MLLT3: variants seen among roughly 807,000 people sequenced by gnomAD.
The protein encoded by MLLT3 is MLLT3 super elongation complex subunit.
Under a neutral mutation model 53.2 loss-of-function variants are expected in MLLT3, and 4 were observed. The observed-to-expected ratio is 0.08, with a 90% CI of 0.04 to 0.17. The LOEUF is 0.17. MLLT3 is among the 10% of genes least tolerant of loss of function. MLLT3 has a pLI of 1.00. For synonymous variants in MLLT3, 283 were observed against 230.6 expected (o/e 1.23, Z -2.06); for missense variants, 569 against 684.0 (o/e 0.83, Z 1.87).
intron 2 of MLLT3, among the ~76,000 whole-genome samples, chr9:20,468,412 C>T (rs1366402557): frequency 6.6e-6 from 1 of 152,148 alleles, no homozygotes; most frequent in Non-Finnish European, 1.5e-5. Flanking sequence ...ACTAAAGGTA[C>T]TATTAGCAGT....
chr9:20,599,819 C>T lies in MLLT3; in HGVS notation c.193+20835G>A, dbSNP rs144438389. Among the ~76,000 whole-genome samples, 26 of 152,276 alleles carry T rather than the reference C, an allele frequency of 1.7e-4. No homozygotes were observed. The East Asian group carries it at 4.8e-3, about 28-fold the overall frequency. On this transcript the variant is annotated intron_variant, in intron 2 of 10. Coordinates refer to ENST00000380338, the MANE Select transcript of MLLT3 (RefSeq NM_004529.4). ...GACATAGAGTCACCATATTCATAGGCCACATGGACCATGGGCAAGTTAGTT... is the reference window on the plus strand; with the variant it reads ...GACATAGAGTCACCATATTCATAGGTCACATGGACCATGGGCAAGTTAGTT...
chr9:20,578,614 C>T (rs574100180), intron 2 of MLLT3, among the ~76,000 whole-genome samples: 3 of 152,206 alleles, frequency 2.0e-5, no homozygotes, highest in East Asian at 3.9e-4. Flanking sequence ...ACCAGGCATA[C>T]GCAACTACTG....
At chr9:20,552,261 G>A (rs528546728) in intron 2 of MLLT3, among the ~76,000 whole-genome samples, 42 of 152,260 alleles carry the variant, frequency 2.8e-4, no homozygotes, top group African/African-American at 7.9e-4. Flanking sequence ...GGAAGCATTC[G>A]TAATCCTATT....
At chr9:20,411,679 A>G (rs1038148964) in intron 5 of MLLT3, 7 of 152,210 alleles carry the variant, frequency 4.6e-5, no homozygotes, top group Non-Finnish European at 1.0e-4. Context: ...TCTTCATTCC[A>G]GAAGACTTTT....
intron 2 of MLLT3, among the ~76,000 whole-genome samples, chr9:20,541,331 G>A (rs913935288): frequency 1.3e-5 from 2 of 152,126 alleles, no homozygotes; most frequent in African/African-American, 4.8e-5. Flanking sequence ...TATCTTTACA[G>A]CAGTGCCACA....
intron 2 of MLLT3, among the ~76,000 whole-genome samples, chr9:20,463,109 T>C (rs553739988): frequency 3.3e-5 from 5 of 152,278 alleles, no homozygotes; most frequent in Non-Finnish European, 5.9e-5. Context: ...GGAGGGATTA[T>C]TGAATTTGAA....
intron 4 of MLLT3, among the ~76,000 whole-genome samples, chr9:20,426,382 A>G (rs982260457): frequency 1.3e-5 from 2 of 152,174 alleles, no homozygotes; most frequent in African/African-American, 4.8e-5. Context: ...TCTGATAATT[A>G]GCCTTGATAA....
intron 4 of MLLT3, among the ~76,000 whole-genome samples, chr9:20,425,947 T>C (rs1202491443): frequency 6.6e-6 from 1 of 152,008 alleles, no homozygotes; most frequent in East Asian, 1.9e-4. Context: ...AAAGTACTGA[T>C]TGGCAAAAAT....
intron 2 of MLLT3, among the ~76,000 whole-genome samples, chr9:20,554,782 G>C (rs920260591): frequency 4.6e-5 from 7 of 152,026 alleles, no homozygotes; most frequent in African/African-American, 1.7e-4. Context: ...CCGAAACCTG[G>C]CTTTTTGCTT....
At position 20,504,099 on chromosome 9, in the gene MLLT3, T is replaced by G. The variant is rs113480471; in HGVS notation, c.194-47313A>C. Among the ~76,000 whole-genome samples the G allele has an allele frequency of 7.4e-3, 1,121 of 152,288 alleles. 9 individuals carry two copies. Among genetic ancestry groups the G allele is most frequent in the Non-Finnish European group, 0.014 (939 of 67,980 alleles). On this transcript the variant is annotated intron_variant, in intron 2 of 10. Coordinates refer to ENST00000380338, the MANE Select transcript of MLLT3 (RefSeq NM_004529.4). Reference sequence around the variant, plus strand: ...CAGAGAAAAAGGATCCACTGTATACTGTTGGTGGGAATGAAAACTAGTATA... The same window carrying G: ...CAGAGAAAAAGGATCCACTGTATACGGTTGGTGGGAATGAAAACTAGTATA...
chr9:20,345,085 T>A lies in MLLT3; in HGVS notation c.*1358A>T. 9.1e-6 allele frequency: 2 copies of A among 219,362 alleles called. No individual in the cohort carries two copies. Among genetic ancestry groups the A allele is most frequent in the Non-Finnish European group, 1.8e-5 (2 of 109,356 alleles). The allele number at this position is 219,362 out of a possible 1,614,324, so 13.6% of individuals were successfully genotyped here. A position where few individuals can be genotyped will look rare whatever the true frequency, so the allele number is the denominator to read the frequency against. ...TTGGTTTTTTTCTTTTAAAAATAAT[T>A]TGCTTTCTTTTGCATGCCACAGGAC... On this transcript the variant is annotated 3_prime_UTR_variant, in exon 11 of 11. Coordinates refer to ENST00000380338, the MANE Select transcript of MLLT3 (RefSeq NM_004529.4).
chr9:20,576,287 T>C (rs1216800140), intron 2 of MLLT3, among the ~76,000 whole-genome samples: 2 of 152,192 alleles, frequency 1.3e-5, no homozygotes, highest in African/African-American at 4.8e-5. Flanking sequence ...CCACTAAAAC[T>C]TTCTCCATAT....
At chr9:20,549,769 A>G (rs574221927) in intron 2 of MLLT3, among the ~76,000 whole-genome samples, 2 of 152,348 alleles carry the variant, frequency 1.3e-5, no homozygotes, top group African/African-American at 4.8e-5. Context: ...CCACCCTGAC[A>G]GAAATACAAA....
chr9:20,572,220 G>A (rs1448999841), intron 2 of MLLT3, among the ~76,000 whole-genome samples: 2 of 152,140 alleles, frequency 1.3e-5, no homozygotes, highest in Admixed American at 6.5e-5. Context: ...GAGGGGTGGA[G>A]GAATGGGGAG....
intron 2 of MLLT3, among the ~76,000 whole-genome samples, chr9:20,483,698 C>CTTTT (rs10538657): frequency 2.2e-4 from 15 of 68,942 alleles, no homozygotes; most frequent in African/African-American, 8.1e-4. Context: ...CAGTAAAACT[C>CTTTT]TTTTTTTTTT....
intron 2 of MLLT3, among the ~76,000 whole-genome samples, chr9:20,603,196 T>C (rs2131199905): frequency 6.6e-6 from 1 of 152,208 alleles, no homozygotes; most frequent in South Asian, 2.1e-4. Context: ...CACTTGGACA[T>C]ATTTATCCAA....
intron 2 of MLLT3, among the ~76,000 whole-genome samples, chr9:20,492,714 A>G (rs1264136121): frequency 2.0e-5 from 3 of 152,018 alleles, no homozygotes; most frequent in African/African-American, 4.8e-5. Context: ...TCTAAACTAA[A>G]TATCTAAGCA....
intron 2 of MLLT3, among the ~76,000 whole-genome samples, chr9:20,511,177 G>C (rs1825525087): frequency 6.6e-6 from 1 of 152,046 alleles, no homozygotes; most frequent in Non-Finnish European, 1.5e-5. Flanking sequence ...GTGTATGTGT[G>C]TGTGCATGTT....
chr9:20,587,058 T>C (rs550953500), intron 2 of MLLT3, among the ~76,000 whole-genome samples: 2 of 152,008 alleles, frequency 1.3e-5, no homozygotes, highest in South Asian at 4.1e-4. Flanking sequence ...TAAAACCAAG[T>C]ACAAAATAAA....
Sources: gnomAD v4.1 joint callset for allele counts (sites outside exome capture counted in the v4.1 genomes callset) on GRCh38, gnomAD v4.1.1 for gene constraint, MANE v1.5 for transcripts, NCBI Gene and HGNC (gene_info 2026-07-23, HGNC 2026-07-21) for gene names.